The following TRPC5 variants were observed in gnomAD, a reference collection of about 807,000 sequenced individuals.
TRPC5 encodes transient receptor potential cation channel subfamily C member 5, also known as short transient receptor potential channel 5.
A neutral mutation model predicts 56.5 loss-of-function variants in TRPC5; 9 were observed. That is an observed-to-expected ratio of 0.16 (90% CI 0.10 to 0.28). The LOEUF is 0.28. Ranked by LOEUF, TRPC5 falls within the 10% of genes least tolerant of loss-of-function variation. TRPC5 has a pLI of 1.00. For missense variants in TRPC5, 469 were observed against 748.9 expected (o/e 0.63, Z 4.36); for synonymous variants, 282 against 278.5 (o/e 1.01, Z -0.13).
At chrX:111,836,436 G>A (rs183989293) in intron 6 of TRPC5, among the ~76,000 whole-genome samples, 1 of 111,766 alleles carries the variant, frequency 8.9e-6, no homozygotes, top group Non-Finnish European at 1.9e-5. Context: ...TTAGAGGTGG[G>A]TGAGAGGTAC....
chrX:111,882,177 C>T (rs773214704), intron 3 of TRPC5, among the ~76,000 whole-genome samples: 1 of 111,557 alleles, frequency 9.0e-6, no homozygotes, highest in Non-Finnish European at 1.9e-5. Context: ...GTTTTACAGA[C>T]CATTCTCATT....
intron 1 of TRPC5, among the ~76,000 whole-genome samples, chrX:112,042,774 C>T (rs1385771219): frequency 9.1e-6 from 1 of 109,949 alleles, no homozygotes. Context: ...ATTTTTCAAA[C>T]TCTCTACCTT....
intron 1 of TRPC5, among the ~76,000 whole-genome samples, chrX:111,983,136 T>G (rs1928124860): frequency 9.0e-6 from 1 of 111,551 alleles, no homozygotes; most frequent in Non-Finnish European, 1.9e-5. Flanking sequence ...TGATCAAAAA[T>G]AATGCTGTGT....
intron 1 of TRPC5, among the ~76,000 whole-genome samples, chrX:112,005,700 G>A (rs1273635525): frequency 9.0e-6 from 1 of 110,927 alleles, no homozygotes; most frequent in African/African-American, 3.3e-5. Context: ...ACCACAGCTG[G>A]GGTGTGGCAA....
At chrX:112,063,913 T>C (rs1421902301) in intron 1 of TRPC5, among the ~76,000 whole-genome samples, 1 of 111,589 alleles carries the variant, frequency 9.0e-6, no homozygotes, top group Non-Finnish European at 1.9e-5. Flanking sequence ...TGCCTTGGCC[T>C]CCCGAGCAGT....
chrX:111,979,319 A>C (rs1245632075), intron 1 of TRPC5, among the ~76,000 whole-genome samples: 2 of 111,596 alleles, frequency 1.8e-5, no homozygotes, highest in Non-Finnish European at 3.8e-5. Context: ...GCAAAACTTA[A>C]TTCAAAATGG....
intron 1 of TRPC5, among the ~76,000 whole-genome samples, chrX:112,054,187 G>C (rs1305543711): frequency 8.9e-6 from 1 of 111,964 alleles, no homozygotes; most frequent in Admixed American, 9.5e-5. Context: ...TAGAAAGTAG[G>C]CAAGGTGGAG....
chrX:111,889,236 C>T (rs920414207), intron 3 of TRPC5, among the ~76,000 whole-genome samples: 12 of 111,120 alleles, frequency 1.1e-4, no homozygotes, highest in South Asian at 3.8e-4. Context: ...TAAGATGAGA[C>T]GGAGAGCTGA....
chrX:111,888,501 C>T (rs1485344313), intron 3 of TRPC5, among the ~76,000 whole-genome samples: 3 of 95,964 alleles, frequency 3.1e-5, no homozygotes, highest in Admixed American at 1.1e-4. Context: ...GGTGAAACCC[C>T]GTCTCTACCA....
intron 7 of TRPC5, among the ~76,000 whole-genome samples, chrX:111,825,023 A>C: frequency 9.0e-6 from 1 of 111,284 alleles, no homozygotes. Flanking sequence ...TCCTAAACGT[A>C]CCTCACAATG....
intron 7 of TRPC5, among the ~76,000 whole-genome samples, chrX:111,804,746 T>C (rs900025556): frequency 8.9e-6 from 1 of 111,860 alleles, no homozygotes; most frequent in East Asian, 2.8e-4. Flanking sequence ...CTTAAGGAGA[T>C]TTTGGGCTGA....
chrX:111,922,398 T>C (rs116543302), intron 2 of TRPC5, among the ~76,000 whole-genome samples: 4,592 of 111,986 alleles, frequency 0.041, 226 homozygotes, highest in African/African-American at 0.14. Flanking sequence ...AGTGAAATTG[T>C]AATCCCTCTT....
intron 7 of TRPC5, among the ~76,000 whole-genome samples, chrX:111,789,040 T>C (rs991258108): frequency 6.2e-5 from 7 of 112,124 alleles, no homozygotes; most frequent in Non-Finnish European, 1.3e-4. Context: ...CCAATGACTT[T>C]CTTCACAGAA....
chrX:111,927,465 C>A (rs776129418), intron 2 of TRPC5, among the ~76,000 whole-genome samples: 1 of 112,065 alleles, frequency 8.9e-6, no homozygotes, highest in Non-Finnish European at 1.9e-5. Flanking sequence ...TGCCCTAGTT[C>A]TAAGAGTCTC....
At chrX:111,905,914 CAAAAAAAAAAA>C (rs1202912083) in intron 3 of TRPC5, among the ~76,000 whole-genome samples, 1 of 37,018 alleles carries the variant, frequency 2.7e-5, no homozygotes, top group African/African-American at 1.2e-4. Context: ...GTCTCTGTCT[CAAAAAAAAAAA>C]AAAAAAGAAA....
At chrX:111,981,897 G>A (rs1408054537) in intron 1 of TRPC5, among the ~76,000 whole-genome samples, 1 of 112,176 alleles carries the variant, frequency 8.9e-6, no homozygotes, top group Admixed American at 9.5e-5. Flanking sequence ...ATGCCGAATT[G>A]TAATCCCCAC....
chrX:111,970,656 G>A lies in TRPC5; in HGVS notation c.-21-18215C>T, dbSNP rs776552992. ...GGAACATTTCTGAAAGCAATGGTAT[G>A]TACCTCTATTTGTAAATTGGTGCAG... On this transcript the variant is annotated intron_variant, in intron 1 of 10. Coordinates refer to ENST00000262839, the MANE Select transcript of TRPC5 (RefSeq NM_012471.3). 1.5e-4 allele frequency among the ~76,000 whole-genome samples: 17 copies of A among 111,638 alleles called. No individual in the cohort carries two copies. The East Asian group carries it at 3.7e-3, about 24-fold the overall frequency.
intron 2 of TRPC5, among the ~76,000 whole-genome samples, chrX:111,932,948 C>T (rs761824889): frequency 2.2e-4 from 25 of 111,865 alleles, no homozygotes; most frequent in Admixed American, 1.2e-3. Context: ...ATTTCCACTC[C>T]CGACATCATT....
At position 112,066,941 on chromosome X, in the gene TRPC5, G is replaced by A. The variant is rs184328373; in HGVS notation, c.-22+14938C>T. Among the ~76,000 whole-genome samples, 9 of 111,947 alleles carry A rather than the reference G, an allele frequency of 8.0e-5. No individual in the cohort carries two copies. The East Asian group carries it at 2.5e-3, about 31-fold the overall frequency. ...GTTTATTTAATAAAAGCAAAGAGAAGGAAATCGTGAGAATGGCCTTTCAGG... is the reference window on the plus strand; with the variant it reads ...GTTTATTTAATAAAAGCAAAGAGAAAGAAATCGTGAGAATGGCCTTTCAGG... On this transcript the variant is annotated intron_variant, in intron 1 of 10. Transcript: ENST00000262839.
Sources: gnomAD v4.1 joint callset for allele counts (sites outside exome capture counted in the v4.1 genomes callset) on GRCh38, gnomAD v4.1.1 for gene constraint, MANE v1.5 for transcripts, NCBI Gene and HGNC (gene_info 2026-07-23, HGNC 2026-07-21) for gene names.